RGS12: variants seen among roughly 807,000 people sequenced by gnomAD.
The protein encoded by RGS12 is regulator of G-protein signaling 12.
In RGS12, 66 loss-of-function variants were observed where a neutral mutation model predicts 120.1. The observed-to-expected ratio is 0.55, with a 90% CI of 0.45 to 0.67. The LOEUF is 0.67. Among genes scored for constraint, RGS12 ranks in the 30% least tolerant of loss-of-function variants. RGS12 has a pLI of 0.00. For missense variants in RGS12, 1,859 were observed against 1,957.7 expected, an observed-to-expected ratio of 0.95 and a Z score of 0.95; for synonymous variants, 827 against 804.7, an observed-to-expected ratio of 1.03 and a Z score of -0.47.
At chr4:3,331,949 G>T (rs529950791) in intron 2 of RGS12, among the ~76,000 whole-genome samples, 1 of 152,116 alleles carries the variant, frequency 6.6e-6, no homozygotes, top group African/African-American at 2.4e-5. Context: ...TCCTGACCAC[G>T]GCCACCGAGT....
chr4:3,341,237 C>T lies in RGS12; in HGVS notation c.1882-1700C>T, dbSNP rs150333585. 0.015 allele frequency among the ~76,000 whole-genome samples: 383 copies of T among 25,242 alleles called. 13 individuals carry two copies. In the South Asian group the frequency reaches 0.19, roughly 12 times the overall value. The allele number at this position is 25,242 out of a possible 152,430, so 16.6% of individuals were successfully genotyped here. ...AAGGGTCGAGAGATGGGGGTGTGTG[C>T]GGTGGGGAGGGGACAAGGGTGGAGA... is the stretch of plus-strand genomic sequence containing the variant. On this transcript the variant is annotated intron_variant, in intron 2 of 17. Transcript: ENST00000336727.
intron 8 of RGS12, 63 bp downstream of exon 8, chr4:3,417,155 C>G (rs1214651857): frequency 2.4e-5 from 36 of 1,480,030 alleles, no homozygotes; most frequent in Non-Finnish European, 3.2e-5. Flanking sequence ...GAGAGCTGTT[C>G]TGTGGGGAGT....
chr4:3,370,187 A>T (rs1420707527), intron 3 of RGS12: 6 of 1,584,142 alleles, frequency 3.8e-6, no homozygotes, highest in Non-Finnish European at 4.3e-6. Flanking sequence ...AAATGCCTTT[A>T]AACTTTTCTC....
At chr4:3,331,419 A>C (rs948453408) in intron 2 of RGS12, among the ~76,000 whole-genome samples, 7 of 152,218 alleles carry the variant, frequency 4.6e-5, no homozygotes, top group Admixed American at 1.3e-4. Flanking sequence ...CCTTTGAAGG[A>C]AAAGTAAAAA....
chr4:3,349,461 CCTA>C (rs1358236250), intron 3 of RGS12, among the ~76,000 whole-genome samples: 7 of 152,158 alleles, frequency 4.6e-5, no homozygotes, highest in African/African-American at 1.7e-4. Context: ...CTCTCGCTCT[CCTA>C]CTTAGTGGTT....
At chr4:3,362,825 GTGTT>G (rs548808998) in intron 3 of RGS12, among the ~76,000 whole-genome samples, 16 of 149,950 alleles carry the variant, frequency 1.1e-4, no homozygotes, top group South Asian at 4.3e-4. Context: ...GTGTGTCAGT[GTGTT>G]TGAGTGTGAG....
chr4:3,307,254 T>C (rs1724025532), intron 1 of RGS12, among the ~76,000 whole-genome samples: 1 of 152,214 alleles, frequency 6.6e-6, no homozygotes, highest in Non-Finnish European at 1.5e-5. Context: ...CGACGCACCT[T>C]GCTCTTAGGC....
intron 3 of RGS12, among the ~76,000 whole-genome samples, chr4:3,343,415 C>G (rs1163322237): frequency 6.6e-6 from 1 of 152,180 alleles, no homozygotes; most frequent in Non-Finnish European, 1.5e-5. Context: ...TTTTGTGTGG[C>G]TCGTCTATCT....
At chr4:3,352,647 A>G (rs901977838) in intron 3 of RGS12, among the ~76,000 whole-genome samples, 9 of 152,250 alleles carry the variant, frequency 5.9e-5, no homozygotes, top group African/African-American at 2.2e-4. Flanking sequence ...CTTGGCTACA[A>G]GGATCAATAA....
intron 5 of RGS12, 89 bp downstream of exon 5, chr4:3,414,330 G>A (rs940112633): frequency 1.0e-5 from 14 of 1,392,202 alleles, no homozygotes; most frequent in African/African-American, 4.3e-5. Context: ...TAGAGACAGC[G>A]GCACCCTGCG....
chr4:3,423,145 C>T (rs1329440378), intron 12 of RGS12, among the ~76,000 whole-genome samples, 167 bp downstream of exon 12: 2 of 152,172 alleles, frequency 1.3e-5, no homozygotes, highest in Admixed American at 6.5e-5. Flanking sequence ...GGCAGCCCCC[C>T]TACAAGCCCG....
chr4:3,317,217 C>A lies in RGS12; in HGVS notation c.1047C>A (p.His349Gln), dbSNP rs766160342. ...TGGTGGACCCAGACTTGTTTAATCA[C>A]AAGATCCACCAAGGCATTGCTCGGC... ...VFMVDPDLFN[H>Q]KIHQGIARRF... Residue 349 changes from histidine to glutamine, a missense_variant, in exon 2 of 18, where the codon CAC (histidine) becomes CAA (glutamine). Transcript: ENST00000336727. 1.9e-6 allele frequency: 3 copies of A among 1,614,172 alleles called. No homozygotes were observed. Among genetic ancestry groups the A allele is most frequent in the Non-Finnish European group, 2.5e-6 (3 of 1,180,046 alleles).
intron 3 of RGS12, among the ~76,000 whole-genome samples, chr4:3,351,566 G>T (rs1429676766): frequency 2.0e-5 from 3 of 152,122 alleles, no homozygotes; most frequent in Non-Finnish European, 4.4e-5. Flanking sequence ...ACACTTAAAA[G>T]AAAATCTTAG....
Position 3,316,098 on chromosome 4 carries a change from G to A in RGS12, c.-73G>A. On this transcript the variant is annotated 5_prime_UTR_variant, in exon 2 of 18. Coordinates refer to ENST00000336727, the MANE Select transcript of RGS12 (RefSeq NM_001394154.1). The stretch of plus-strand genomic sequence containing the variant: ...ACTGTTTGAAGAAGCAAACATGGTA[G>A]CATCAAGCATTCCTTGAAATATGGC... 1.4e-6 allele frequency: 2 copies of A among 1,427,852 alleles called. No homozygotes were observed. Among genetic ancestry groups the A allele is most frequent in the Middle Eastern group, 1.9e-4 (1 of 5,384 alleles). 88.4% of individuals were successfully genotyped at this position (1,427,852 alleles called of 1,614,324 possible).
At chr4:3,304,943 A>C (rs1240656710) in intron 1 of RGS12, among the ~76,000 whole-genome samples, 9 of 152,216 alleles carry the variant, frequency 5.9e-5, no homozygotes, top group Non-Finnish European at 1.0e-4. Context: ...CAGGGCTGTG[A>C]TCAAGGCGTT....
At chr4:3,307,336 G>GA (rs1359494300) in intron 1 of RGS12, among the ~76,000 whole-genome samples, 2 of 152,242 alleles carry the variant, frequency 1.3e-5, no homozygotes, top group African/African-American at 4.8e-5. Context: ...CACACGGCAT[G>GA]AGGTCCGTCT....
At chr4:3,353,499 G>C (rs1714571833) in intron 3 of RGS12, among the ~76,000 whole-genome samples, 1 of 152,086 alleles carries the variant, frequency 6.6e-6, no homozygotes, top group Non-Finnish European at 1.5e-5. Context: ...GGTATGACAG[G>C]GACTACCACT....
rs761956620 is a variant in RGS12 at position 3,416,124 on chromosome 4, A to G, written c.2427+3A>G. ...TGTTCAAGGAGCAGCAGCTGCAGGT[A>G]ACCGCAGGCTGTGGGAGCTTGTGGG... On this transcript the variant is annotated splice_donor_region_variant and intron_variant, in intron 7 of 17. Transcript: ENST00000336727. 19 of 1,613,832 alleles carry G rather than the reference A, an allele frequency of 1.2e-5. No homozygotes were observed. The highest frequency in any genetic ancestry group is 1.6e-5 in the Non-Finnish European group (19 of 1,179,960).
Position 3,316,869 on chromosome 4 carries a change from C to G in RGS12, c.699C>G (p.Gly233=). Residue 233 remains glycine (G), a synonymous_variant, in exon 2 of 18, where the codon GGC becomes GGG. Transcript: ENST00000336727. ...TTTTAAACGTGGCGATGATCGTGGG[C>G]TACTTAGGCTCCATTGAGCTTCCTT... ...ASILNVAMIV[G]YLGSIELPST... 1.2e-6 allele frequency: 2 copies of G among 1,614,156 alleles called. No individual in the cohort carries two copies. The highest frequency in any genetic ancestry group is 8.5e-7 in the Non-Finnish European group (1 of 1,180,048).
Sources: gnomAD v4.1 joint callset for allele counts (sites outside exome capture counted in the v4.1 genomes callset) on GRCh38, gnomAD v4.1.1 for gene constraint, MANE v1.5 for transcripts, NCBI Gene and HGNC (gene_info 2026-07-23, HGNC 2026-07-21) for gene names.